The following LRRD1 variants were observed in gnomAD, a reference collection of about 807,000 sequenced individuals.
LRRD1 encodes leucine-rich repeat and death domain-containing protein 1.
Under a neutral mutation model 69.5 loss-of-function variants are expected in LRRD1, and 49 were observed. The ratio of observed to expected loss-of-function variants is 0.70; its 90% CI spans 0.56 to 0.89. The LOEUF (loss-of-function observed/expected upper bound fraction) is 0.89, where lower values mean the gene tolerates loss of function less well. Among genes scored for constraint, LRRD1 ranks in the 40% least tolerant of loss-of-function variants. LRRD1 has a pLI of 0.00. For synonymous variants in LRRD1, 303 were observed against 338.9 expected (o/e 0.89, Z 1.16); for missense variants, 853 against 956.0 (o/e 0.89, Z 1.42).
At chr7:92,158,685 G>C (rs1788727925) in intron 3 of LRRD1, among the ~76,000 whole-genome samples, 1 of 152,164 alleles carries the variant, frequency 6.6e-6, no homozygotes, top group African/African-American at 2.4e-5. Flanking sequence ...AAAAAATGCT[G>C]ACCTGAGGTT....
At chr7:92,160,643 T>A (rs1788776147) in intron 2 of LRRD1, among the ~76,000 whole-genome samples, 2 of 152,030 alleles carry the variant, frequency 1.3e-5, no homozygotes, top group Non-Finnish European at 1.5e-5. Flanking sequence ...TGAAACCCCG[T>A]CTCTACTGAA....
intron 3 of LRRD1, among the ~76,000 whole-genome samples, chr7:92,156,597 C>G (rs1489319770): frequency 6.6e-6 from 1 of 152,140 alleles, no homozygotes; most frequent in African/African-American, 2.4e-5. Context: ...TCATTTCTTG[C>G]TAGTCTGTAG....
chr7:92,174,510 T>TATATATGTATATA (rs1491100533), intron 1 of LRRD1, among the ~76,000 whole-genome samples: 12 of 12,610 alleles, frequency 9.5e-4, no homozygotes, highest in Non-Finnish European at 1.5e-3. Context: ...TATATATATA[T>TATATATGTATATA]TTTTTTTTTT....
At chr7:92,171,847 C>A (rs1789063864) in intron 1 of LRRD1, among the ~76,000 whole-genome samples, 2 of 152,242 alleles carry the variant, frequency 1.3e-5, no homozygotes, top group African/African-American at 4.8e-5. Flanking sequence ...CCCAGGGATG[C>A]AATGATGGTT....
At chr7:92,176,290 AACT>A (rs1260741846) in intron 1 of LRRD1, among the ~76,000 whole-genome samples, 2 of 152,188 alleles carry the variant, frequency 1.3e-5, no homozygotes, top group Non-Finnish European at 2.9e-5. Flanking sequence ...GTCATATAGA[AACT>A]ACTACTAATT....
chr7:92,142,822 C>T (rs916769505), downstream of LRRD1: 22 of 431,242 alleles, frequency 5.1e-5, no homozygotes, highest in Admixed American at 6.0e-4. Flanking sequence ...AAGAGTGAAG[C>T]TGCAGACCTG....
Position 92,164,200 on chromosome 7 carries a change from G to C in LRRD1, c.1003C>G (p.His335Asp). Residue 335 changes from histidine to aspartate, a missense_variant, in exon 2 of 6, where the codon CAC becomes GAC. By Grantham distance (81) the His-to-Asp change is moderately conservative. Around this residue, in one of 3 missense-constraint regions of LRRD1, gnomAD observed 739 missense variants for 808.0 expected, o/e 0.91. Coordinates refer to ENST00000458448, the MANE Select transcript of LRRD1 (RefSeq NM_001161528.2). ...ACAGCCAGAAAGGTAAGCTTATTGT[G>C]ATCCATTAAAAGTGTTTCTAAATTT... The part of the protein sequence containing the change: ...LKNLETLLMD[H>D]NKLTFLAVEI... The C allele has an allele frequency of 6.5e-7, 1 of 1,549,244 alleles. No homozygotes were observed. Among genetic ancestry groups the C allele is most frequent in the South Asian group, 1.2e-5 (1 of 83,704 alleles).
chr7:92,159,700 C>T (rs1471381544), intron 2 of LRRD1, among the ~76,000 whole-genome samples: 7 of 150,770 alleles, frequency 4.6e-5, no homozygotes, highest in Non-Finnish European at 8.8e-5. Context: ...CAGCTCACTG[C>T]AACCTCTGCC....
chr7:92,160,365 T>A (rs1295052550), intron 2 of LRRD1, among the ~76,000 whole-genome samples: 1 of 152,114 alleles, frequency 6.6e-6, no homozygotes, highest in African/African-American at 2.4e-5. Context: ...ACAGAATATA[T>A]CCTATGAAAA....
At chr7:92,155,599 A>C (rs1788638055) in intron 3 of LRRD1, among the ~76,000 whole-genome samples, 1 of 152,108 alleles carries the variant, frequency 6.6e-6, no homozygotes, top group Admixed American at 6.5e-5. Context: ...GGACAGGACT[A>C]ATAGGATAGA....
intron 3 of LRRD1, among the ~76,000 whole-genome samples, chr7:92,153,801 G>C (rs1788583204): frequency 6.6e-6 from 1 of 151,600 alleles, no homozygotes; most frequent in South Asian, 2.1e-4. Flanking sequence ...CAGGCTGGAT[G>C]ACACAGCAAG....
At chr7:92,169,708 G>A (rs1789006749) in intron 1 of LRRD1, among the ~76,000 whole-genome samples, 2 of 151,862 alleles carry the variant, frequency 1.3e-5, no homozygotes, top group African/African-American at 2.4e-5. Context: ...TTCACTAGAG[G>A]CTCTCAACAG....
downstream of LRRD1, chr7:92,142,545 T>G (rs563846340): frequency 4.4e-6 from 2 of 456,526 alleles, no homozygotes; most frequent in East Asian, 6.9e-5. Context: ...AGTCAAATTG[T>G]GTCCGGAATT....
intron 1 of LRRD1, among the ~76,000 whole-genome samples, chr7:92,169,378 C>T (rs977785709): frequency 6.6e-6 from 1 of 151,694 alleles, no homozygotes; most frequent in Non-Finnish European, 1.5e-5. Context: ...AGAGGCTGGG[C>T]ACGGTGGTTC....
chr7:92,165,156 C>T lies in LRRD1; in HGVS notation c.47G>A (p.Ser16Asn), dbSNP rs9785031. ...GMSEVLEDTI[S>N]QFRKESRSQS... ...TGATCTAGATTCTTTCCTAAATTGA[C>T]TAATAGTATCCTCTAGCACTTCTGA... Residue 16 changes from serine to asparagine, a missense_variant, in exon 2 of 6, where the codon AGT (serine) becomes AAT (asparagine). By Grantham distance (46) the Ser-to-Asn change is conservative. This residue lies in a region of LRRD1 where 99 missense variants were observed against 107.0 expected (regional missense o/e 0.92). Coordinates refer to ENST00000458448, the MANE Select transcript of LRRD1 (RefSeq NM_001161528.2). 598 of 1,548,578 alleles carry T rather than the reference C, an allele frequency of 3.9e-4. 2 individuals carry two copies. In the African/African-American group the frequency reaches 7.3e-3, roughly 19 times the overall value.
chr7:92,160,747 A>C (rs567614070), intron 2 of LRRD1, among the ~76,000 whole-genome samples: 2 of 152,342 alleles, frequency 1.3e-5, no homozygotes, highest in East Asian at 1.9e-4. Flanking sequence ...TGGGAGGCAG[A>C]GGTTGCAGTG....
chr7:92,159,095 A>G lies in LRRD1; in HGVS notation c.2026T>C (p.Leu676=). 1 of 1,547,396 alleles carries G rather than the reference A, an allele frequency of 6.5e-7. No individual in the cohort carries two copies. Among genetic ancestry groups the G allele is most frequent in the Non-Finnish European group, 8.7e-7 (1 of 1,145,446 alleles). Residue 676 remains leucine, a synonymous_variant, in exon 3 of 6, where the codon TTG becomes CTG. Coordinates refer to ENST00000458448, the MANE Select transcript of LRRD1 (RefSeq NM_001161528.2). Reference sequence around the variant, plus strand: ...TTATTGTATGCATGTAAACTAACCAAATTTCTCAATTCTCCTATATTTCTT... The same window carrying G: ...TTATTGTATGCATGTAAACTAACCAGATTTCTCAATTCTCCTATATTTCTT... ...IPRNIGELRN[L]VSLHAYNNQI...
At chr7:92,159,459 T>G (rs1032802051) in intron 2 of LRRD1, among the ~76,000 whole-genome samples, 6 of 152,106 alleles carry the variant, frequency 3.9e-5, no homozygotes, top group Non-Finnish European at 5.9e-5. Flanking sequence ...CAACCCACTT[T>G]GCTCACATTC....
intron 1 of LRRD1, among the ~76,000 whole-genome samples, chr7:92,166,947 A>G (rs535911371): frequency 1.3e-5 from 2 of 152,328 alleles, no homozygotes; most frequent in African/African-American, 4.8e-5. Flanking sequence ...GAAAAGGTAT[A>G]TGGATTAAAA....
Sources: allele counts gnomAD v4.1 joint callset (sites outside exome capture counted in the v4.1 genomes callset), GRCh38; gene constraint gnomAD v4.1.1; regional missense constraint gnomAD v4.1.1; transcripts MANE v1.5; gene names NCBI Gene and HGNC (gene_info 2026-07-23, HGNC 2026-07-21).